The following C1orf87 variants were observed in gnomAD, a reference collection of about 807,000 sequenced individuals.
The protein encoded by C1orf87 is uncharacterized protein C1orf87.
In C1orf87, 58 loss-of-function variants were observed where a neutral mutation model predicts 60.5. The observed-to-expected ratio is 0.96, with a 90% CI of 0.78 to 1.19. C1orf87 has a LOEUF of 1.19. C1orf87 is among the 50% of genes most tolerant of loss of function. The pLI, the probability that C1orf87 is intolerant of heterozygous loss-of-function variation, is 0.00. For synonymous variants in C1orf87, 236 were observed against 227.4 expected, an observed-to-expected ratio of 1.04 and a Z score of -0.34; for missense variants, 673 against 638.6, an observed-to-expected ratio of 1.05 and a Z score of -0.58.
intron 3 of C1orf87, among the ~76,000 whole-genome samples, chr1:60,048,072 A>T (rs1336359574): frequency 6.6e-6 from 1 of 152,184 alleles, no homozygotes; most frequent in Non-Finnish European, 1.5e-5. Flanking sequence ...CATTTAATTA[A>T]GATTGGTCTA....
chr1:60,064,896 A>G (rs2100331645), intron 2 of C1orf87, among the ~76,000 whole-genome samples: 1 of 92,746 alleles, frequency 1.1e-5, no homozygotes, highest in South Asian at 3.0e-4. Context: ...ATAAATATAT[A>G]TTCTAAATAT....
At chr1:60,028,832 G>GT (rs1645217094) in intron 7 of C1orf87, among the ~76,000 whole-genome samples, 1 of 148,704 alleles carries the variant, frequency 6.7e-6, no homozygotes, top group East Asian at 2.0e-4. Context: ...AACTCTCTTT[G>GT]TTTTTTGCTT....
At chr1:60,001,220 T>C (rs1052856265) in intron 9 of C1orf87, 64 bp from the exon 10 acceptor site, 2 of 1,156,886 alleles carry the variant, frequency 1.7e-6, no homozygotes, top group Non-Finnish European at 2.3e-6. Flanking sequence ...AACACACACA[T>C]ATACACAAGG....
intron 7 of C1orf87, among the ~76,000 whole-genome samples, chr1:60,031,765 G>A (rs1359882019): frequency 2.0e-5 from 3 of 152,126 alleles, no homozygotes; most frequent in Non-Finnish European, 4.4e-5. Flanking sequence ...AGTTGTTTAT[G>A]TTTCATTCTA....
At chr1:60,009,743 T>C (rs1193802703) in intron 9 of C1orf87, among the ~76,000 whole-genome samples, 1 of 152,046 alleles carries the variant, frequency 6.6e-6, no homozygotes, top group South Asian at 2.1e-4. Flanking sequence ...AGCAGATTAA[T>C]ATCAATGCAT....
chr1:59,991,470 G>T (rs996766687), intron 11 of C1orf87, among the ~76,000 whole-genome samples: 24 of 152,164 alleles, frequency 1.6e-4, no homozygotes, highest in Admixed American at 1.3e-3. Flanking sequence ...CAATGCAATT[G>T]CAATGCAAAT....
intron 8 of C1orf87, among the ~76,000 whole-genome samples, chr1:60,024,932 C>G (rs1645188691): frequency 6.6e-6 from 1 of 152,084 alleles, no homozygotes; most frequent in African/African-American, 2.4e-5. Flanking sequence ...ACCCTTTGGT[C>G]GCAATAAAAG....
chr1:60,042,553 CAG>C (rs1645333745), intron 3 of C1orf87, among the ~76,000 whole-genome samples: 1 of 152,188 alleles, frequency 6.6e-6, no homozygotes, highest in Admixed American at 6.5e-5. Flanking sequence ...GCAAGAATGA[CAG>C]AGAGTTCTGA....
chr1:59,995,662 C>T (rs2100233956), intron 11 of C1orf87, among the ~76,000 whole-genome samples: 1 of 152,288 alleles, frequency 6.6e-6, no homozygotes. Flanking sequence ...GGTCCCGGAC[C>T]TCGCATTAGA....
At chr1:60,022,723 G>T (rs1360127579) in intron 8 of C1orf87, among the ~76,000 whole-genome samples, 1 of 151,726 alleles carries the variant, frequency 6.6e-6, no homozygotes, top group Non-Finnish European at 1.5e-5. Context: ...TTTATCTTTG[G>T]CATATCCAAG....
chr1:60,069,241 A>AT (rs1645568576), intron 2 of C1orf87, among the ~76,000 whole-genome samples: 1 of 152,188 alleles, frequency 6.6e-6, no homozygotes, highest in Non-Finnish European at 1.5e-5. Context: ...ATACTGGAGA[A>AT]TGGGGCTTCT....
Position 60,025,336 on chromosome 1 carries a change from C to T in C1orf87, c.1127+65G>A, listed in dbSNP as rs1251626348. On this transcript the variant is annotated intron_variant, in intron 8 of 11. Transcript: ENST00000371201. ...ACCATCATATTTGAAGTTAAAGCTT[C>T]ACCATATCATTTGGGGAAGGGGTGG... 15 of 1,277,492 alleles carry T rather than the reference C, an allele frequency of 1.2e-5. No homozygotes were observed. The Admixed American group carries it at 2.3e-4, about 20-fold the overall frequency. 79.1% of individuals were successfully genotyped at this position (1,277,492 alleles called of 1,614,324 possible). A position where few individuals can be genotyped will look rare whatever the true frequency, so the allele number is the denominator to read the frequency against.
chr1:60,044,544 A>G (rs1351102684), intron 3 of C1orf87, among the ~76,000 whole-genome samples: 1 of 152,268 alleles, frequency 6.6e-6, no homozygotes, highest in Non-Finnish European at 1.5e-5. Context: ...ACCCCCCCAC[A>G]TCAAGAAGAG....
At chr1:60,013,922 T>G (rs1302727692) in intron 8 of C1orf87, among the ~76,000 whole-genome samples, 1 of 152,144 alleles carries the variant, frequency 6.6e-6, no homozygotes, top group Non-Finnish European at 1.5e-5. Context: ...ATACCCCATA[T>G]TGGTATAGTA....
intron 9 of C1orf87, among the ~76,000 whole-genome samples, chr1:60,002,855 A>T (rs1401628246): frequency 6.7e-6 from 1 of 149,222 alleles, no homozygotes; most frequent in Non-Finnish European, 1.5e-5. Context: ...AAATAGGAAC[A>T]CTTTTACACT....
At chr1:60,010,844 C>T (rs1401316853) in intron 8 of C1orf87, 1 of 151,786 alleles carries the variant, frequency 6.6e-6, no homozygotes, top group Admixed American at 6.6e-5. Context: ...AAAACACTTG[C>T]CAGTTTCTGC....
At chr1:60,056,874 C>T (rs1017303108) in intron 2 of C1orf87, among the ~76,000 whole-genome samples, 2 of 152,178 alleles carry the variant, frequency 1.3e-5, no homozygotes, top group African/African-American at 2.4e-5. Context: ...GATCCATTTA[C>T]AAGCATATCA....
At position 59,997,644 on chromosome 1, in the gene C1orf87, T is replaced by C. The variant is rs267598677; in HGVS notation, c.1445A>G (p.Glu482Gly). 6.2e-7 allele frequency: 1 copy of C among 1,613,970 alleles called. No homozygotes were observed. The highest frequency in any genetic ancestry group is 2.2e-5 in the East Asian group (1 of 44,874). ...ETWIDRFRKLENALYLCDLSN... is the reference protein window; with the variant it reads ...ETWIDRFRKLGNALYLCDLSN... ...CAGATCACACAGGTAGAGGGCATTT[T>C]CCAGCTTCCTGAACCTGTCTATCCA... is the stretch of plus-strand genomic sequence containing the variant. Residue 482 changes from glutamate (E) to glycine (G), a missense_variant, in exon 11 of 12, where the codon GAA becomes GGA. Physicochemically the swap from Glu to Gly is moderately conservative, Grantham distance 98. Transcript: ENST00000371201.
chr1:60,069,030 C>T (rs1472561259), intron 2 of C1orf87, among the ~76,000 whole-genome samples: 5 of 152,034 alleles, frequency 3.3e-5, no homozygotes, highest in Admixed American at 3.3e-4. Flanking sequence ...TTACCATGTA[C>T]AATATTTTAT....
Sources: allele counts gnomAD v4.1 joint callset (sites outside exome capture counted in the v4.1 genomes callset), GRCh38; gene constraint gnomAD v4.1.1; transcripts MANE v1.5; gene names NCBI Gene and HGNC (gene_info 2026-07-23, HGNC 2026-07-21).